The following PLCG2 variants were observed in gnomAD, a reference collection of about 807,000 sequenced individuals.
The protein encoded by PLCG2 is 1-phosphatidylinositol 4,5-bisphosphate phosphodiesterase gamma-2.
PLCG2 carries 69 observed loss-of-function variants against 175.6 expected under a neutral mutation model. That is an observed-to-expected ratio of 0.39 (90% confidence interval 0.32 to 0.48). PLCG2 has a LOEUF of 0.48. PLCG2 is among the 20% of genes least tolerant of loss of function. The pLI is 0.91. For missense variants in PLCG2, 1,798 were observed against 1,650.9 expected, an observed-to-expected ratio of 1.09 and a Z score of -1.54; for synonymous variants, 827 against 624.0, an observed-to-expected ratio of 1.33 and a Z score of -4.85.
In PLCG2 at chr16:81,938,857, A is replaced by G; in HGVS notation, c.3255A>G (p.Val1085=). 6.2e-7 allele frequency: 1 copy of G among 1,613,614 alleles called. No individual in the cohort carries two copies. ...KLGRSIACPF[V]EVEICGAEYD... is the part of the protein sequence containing the mutation. Reference sequence around the variant, plus strand: ...GACGAAGTATTGCCTGTCCCTTTGTAGAAGTGGAGATCTGTGGAGCCGAGT... The same window carrying G: ...GACGAAGTATTGCCTGTCCCTTTGTGGAAGTGGAGATCTGTGGAGCCGAGT... The change falls in exon 29 of 33, where the codon GTA becomes GTG. Residue 1085 remains valine, a synonymous_variant. Transcript: ENST00000564138.
chr16:81,923,905 G>A (rs1265579547), intron 22 of PLCG2, among the ~76,000 whole-genome samples: 2 of 152,152 alleles, frequency 1.3e-5, no homozygotes, highest in East Asian at 3.8e-4. Context: ...TCCATGCATT[G>A]TCTAACCAAA....
intron 2 of PLCG2, among the ~76,000 whole-genome samples, chr16:81,788,195 G>T (rs1489620428): frequency 6.6e-6 from 1 of 152,174 alleles, no homozygotes; most frequent in East Asian, 1.9e-4. Context: ...GTAGAAAAGG[G>T]TGATCGTTGC....
chr16:81,845,727 A>G lies in PLCG2; in HGVS notation c.194-8717A>G, dbSNP rs137875486. On this transcript the variant is annotated intron_variant, in intron 2 of 32. Transcript: ENST00000564138. ...CTGCACCCCTGTGGGTAGTGGGATCATCATTCACCAAGATGCCCCTGCCTG... is the reference window on the plus strand; with the variant it reads ...CTGCACCCCTGTGGGTAGTGGGATCGTCATTCACCAAGATGCCCCTGCCTG... Among the ~76,000 whole-genome samples the G allele has an allele frequency of 3.8e-3, 573 of 152,360 alleles. 2 individuals are homozygous for G. The highest frequency in any genetic ancestry group is 0.014 in the Middle Eastern group (4 of 294).
rs1911575215 is a variant in PLCG2 at position 81,956,507 on chromosome 16, TC to T, written c.3571-185del. Among the ~76,000 whole-genome samples, 3 of 152,340 alleles carry T rather than the reference TC, an allele frequency of 2.0e-5. No homozygotes were observed. The South Asian group carries it at 6.2e-4, about 32-fold the overall frequency. ...CCAAGCACTTTTTAAACTGCTTGCT[TC>T]CCACACAATAAATAATTGTGTTTTA... On this transcript the variant is annotated intron_variant, in intron 31 of 32. Transcript: ENST00000564138.
intron 24 of PLCG2, among the ~76,000 whole-genome samples, chr16:81,930,488 C>T (rs1567537874): frequency 3.9e-5 from 6 of 152,130 alleles, no homozygotes. Flanking sequence ...TGGCTCATTC[C>T]TGTAATCCCA....
intron 2 of PLCG2, among the ~76,000 whole-genome samples, chr16:81,841,208 A>C (rs969708056): frequency 9.8e-4 from 7 of 7,160 alleles, no homozygotes; most frequent in African/African-American, 3.3e-3. Context: ...AGTAAACTTT[A>C]TTTATTTATT....
chr16:81,782,806 C>G (rs1261592032), intron 1 of PLCG2, among the ~76,000 whole-genome samples: 1 of 152,198 alleles, frequency 6.6e-6, no homozygotes, highest in East Asian at 1.9e-4. Flanking sequence ...AAGGGCCCCT[C>G]CAACAGTTGA....
chr16:81,851,881 A>C (rs373851681), intron 2 of PLCG2, among the ~76,000 whole-genome samples: 6 of 152,196 alleles, frequency 3.9e-5, no homozygotes, highest in African/African-American at 1.4e-4. Flanking sequence ...AGAACTCAGA[A>C]AGCTTTGAGT....
At chr16:81,881,836 G>C (rs1244201053) in intron 8 of PLCG2, among the ~76,000 whole-genome samples, 11 of 150,714 alleles carry the variant, frequency 7.3e-5, no homozygotes, top group Non-Finnish European at 5.9e-5. Context: ...ATTTTTGGTA[G>C]AGATGGGGTT....
rs78520081 is a variant in PLCG2 at position 81,817,447 on chromosome 16, G to C, written c.193+31265G>C. ...AGTTTCGCTTTTGTTGCGCACGCTGGAGTGCATCGTCTTGAGGGGTGCTGC... is the reference window on the plus strand; with the variant it reads ...AGTTTCGCTTTTGTTGCGCACGCTGCAGTGCATCGTCTTGAGGGGTGCTGC... On this transcript the variant is annotated intron_variant, in intron 2 of 32. Transcript: ENST00000564138. Among the ~76,000 whole-genome samples the C allele has an allele frequency of 4.3e-3, 658 of 152,258 alleles. 6 individuals carry two copies. Among genetic ancestry groups the C allele is most frequent in the African/African-American group, 0.015 (634 of 41,534 alleles).
At chr16:81,740,684 C>T (rs908212397) in intron 1 of PLCG2, 6 of 123,236 alleles carry the variant, frequency 4.9e-5, no homozygotes, top group African/African-American at 1.8e-4. Flanking sequence ...GAGATAGTGC[C>T]AGTGCACTCC....
intron 2 of PLCG2, among the ~76,000 whole-genome samples, chr16:81,818,071 C>T (rs1904630523): frequency 6.6e-6 from 1 of 152,208 alleles, no homozygotes; most frequent in South Asian, 2.1e-4. Flanking sequence ...TCTCTGTCGG[C>T]TCGTGTCCCC....
chr16:81,862,207 C>A (rs1907017212), intron 5 of PLCG2, among the ~76,000 whole-genome samples: 1 of 152,236 alleles, frequency 6.6e-6, no homozygotes, highest in Admixed American at 6.5e-5. Flanking sequence ...AGAGGAAAGA[C>A]TGAAGGCGAG....
chr16:81,766,988 C>T (rs998591951), intron 2 of PLCG2: 1 of 152,154 alleles, frequency 6.6e-6, no homozygotes, highest in Admixed American at 6.6e-5. Context: ...AATGCCTTAA[C>T]AAGTGTCAAG....
At chr16:81,896,366 ACACACACACACACACAC>A (rs1365082765) in intron 13 of PLCG2, among the ~76,000 whole-genome samples, 3 of 76 alleles carry the variant, frequency 0.039, no homozygotes, top group Non-Finnish European at 0.079. Context: ...CTCTACCAAA[ACACACACACACACACAC>A]ACACACACAC....
chr16:81,889,156 T>C lies in PLCG2; in HGVS notation c.766-16T>C. 4.0e-6 allele frequency: 6 copies of C among 1,510,548 alleles called. No individual in the cohort carries two copies. Among genetic ancestry groups the C allele is most frequent in the Non-Finnish European group, 5.5e-6 (6 of 1,092,808 alleles). 93.6% of individuals were successfully genotyped at this position (1,510,548 alleles called of 1,614,324 possible). A position where few individuals can be genotyped will look rare whatever the true frequency, so the allele number is the denominator to read the frequency against. ...TTCTCACTTTGCTGATCTCTCGTTC[T>C]CTTTGTCATTTTAAGGAGCATTGGG... is the stretch of plus-strand genomic sequence containing the variant. On this transcript the variant is annotated splice_polypyrimidine_tract_variant and intron_variant, in intron 9 of 32. Coordinates refer to ENST00000564138, the MANE Select transcript of PLCG2 (RefSeq NM_002661.5).
At chr16:81,799,811 T>A (rs1025680591) in intron 2 of PLCG2, among the ~76,000 whole-genome samples, 12 of 151,912 alleles carry the variant, frequency 7.9e-5, no homozygotes, top group African/African-American at 2.9e-4. Flanking sequence ...GCCAGGATGG[T>A]CTCGATCTCC....
At chr16:81,908,639 C>A (rs369346213) in intron 17 of PLCG2, 48 bp downstream of exon 17, 8 of 1,520,280 alleles carry the variant, frequency 5.3e-6, no homozygotes, top group African/African-American at 2.7e-5. Context: ...CCATGCCAAC[C>A]GATGAGGCAG....
intron 12 of PLCG2, 112 bp from the exon 13 acceptor site, chr16:81,895,695 G>C (rs1026732310): frequency 1.7e-6 from 2 of 1,178,344 alleles, no homozygotes; most frequent in Non-Finnish European, 2.5e-6. Flanking sequence ...GCCGAATGGA[G>C]GGAGTGTGGG....
Sources: allele counts gnomAD v4.1 joint callset (sites outside exome capture counted in the v4.1 genomes callset), GRCh38; gene constraint gnomAD v4.1.1; transcripts MANE v1.5; gene names NCBI Gene and HGNC (gene_info 2026-07-23, HGNC 2026-07-21).